JAKMIP3: variants seen among roughly 807,000 people sequenced by gnomAD.
JAKMIP3 encodes Janus kinase and microtubule interacting protein 3.
In JAKMIP3, 58 loss-of-function variants were observed where a neutral mutation model predicts 118.5. The ratio of observed to expected loss-of-function variants is 0.49; its 90% CI spans 0.40 to 0.61. The LOEUF is 0.61. JAKMIP3 is among the 20% of genes least tolerant of loss of function. The pLI is 0.00. For synonymous variants in JAKMIP3, 486 were observed against 451.2 expected (o/e 1.08, Z -0.98); for missense variants, 950 against 1,109.0 (o/e 0.86, Z 2.04).
At chr10:132,046,117 C>G (rs1001521406) in intron 1 of JAKMIP3, among the ~76,000 whole-genome samples, 7 of 152,200 alleles carry the variant, frequency 4.6e-5, no homozygotes, top group Non-Finnish European at 1.0e-4. Context: ...CTTCCACGCT[C>G]CCACCACAGA....
In JAKMIP3 at chr10:132,040,286, G is replaced by A. The variant is rs184320729; in HGVS notation, c.-138+3548G>A. Among the ~76,000 whole-genome samples, 23 of 152,298 alleles carry A rather than the reference G, an allele frequency of 1.5e-4. 1 individual carries two copies. The East Asian group carries it at 2.3e-3, about 15-fold the overall frequency. ...ACCCTCACCAGGAACCAAACCGGCC[G>A]GCTCCTTGGCCTCAGACTTCCAGCT... On this transcript the variant is annotated intron_variant, in intron 1 of 23. Transcript: ENST00000657785.
At chr10:132,109,058 G>A (rs1335335924) in intron 2 of JAKMIP3, among the ~76,000 whole-genome samples, 2 of 76,206 alleles carry the variant, frequency 2.6e-5, no homozygotes, top group Non-Finnish European at 5.0e-5. Context: ...ACACATACAT[G>A]CACATATACA....
Position 132,163,354 on chromosome 10 carries a change from G to A in JAKMIP3, c.2366G>A (p.Arg789His), listed in dbSNP as rs148025571. The A allele has an allele frequency of 7.5e-6, 12 of 1,609,320 alleles. No individual in the cohort carries two copies. Among genetic ancestry groups the A allele is most frequent in the East Asian group, 2.2e-5 (1 of 44,848 alleles). Reference protein sequence around the residue: ...QWKRQVMSELRERDAQILRER... With the variant: ...QWKRQVMSELHERDAQILRER... ...AAGCGCCAGGTCATGAGTGAGCTGC[G>A]CGAGCGGGACGCCCAGATCCTGCGG... Residue 789 changes from arginine to histidine, a missense_variant, in exon 20 of 24, where the codon CGC becomes CAC. Physicochemically the swap from Arg to His is conservative, Grantham distance 29. Coordinates refer to ENST00000684848, the MANE Select transcript of JAKMIP3 (RefSeq NM_001323087.2).
intron 1 of JAKMIP3, among the ~76,000 whole-genome samples, chr10:132,056,663 C>A (rs143390870): frequency 6.6e-6 from 1 of 152,180 alleles, no homozygotes; most frequent in African/African-American, 2.4e-5. Flanking sequence ...TTTTGTGAGG[C>A]CACCGAAGCT....
Position 132,095,647 on chromosome 10 carries a change from G to A in JAKMIP3, c.-137-9025G>A, listed in dbSNP as rs114525844. ...GCTTTCCCGATTTATTCCTGCAGTCGTTCTGGATGCAGAAGTTCACGACAC... is the reference window on the plus strand; with the variant it reads ...GCTTTCCCGATTTATTCCTGCAGTCATTCTGGATGCAGAAGTTCACGACAC... On this transcript the variant is annotated intron_variant, in intron 1 of 23. Transcript: ENST00000684848. Among the ~76,000 whole-genome samples the A allele has an allele frequency of 8.7e-3, 1,323 of 152,270 alleles. 28 individuals carry two copies. The highest frequency in any genetic ancestry group is 0.03 in the African/African-American group (1,244 of 41,554).
At chr10:132,127,649 T>A (rs1389630831) in intron 3 of JAKMIP3, among the ~76,000 whole-genome samples, 5 of 152,126 alleles carry the variant, frequency 3.3e-5, no homozygotes, top group Non-Finnish European at 5.9e-5. Context: ...TCTCGCTGTT[T>A]TTTACTCTCA....
rs113225195 is a variant in JAKMIP3 at position 132,083,974 on chromosome 10, T to C, written c.-138+17913T>C. On this transcript the variant is annotated intron_variant, in intron 1 of 23. Coordinates refer to ENST00000684848, the MANE Select transcript of JAKMIP3 (RefSeq NM_001323087.2). Reference sequence around the variant, plus strand: ...GTTTGAAATCAGGTAATGTGATTCTTCCAGATTTGTTCTTTTTGCTTAGTT... The same window carrying C: ...GTTTGAAATCAGGTAATGTGATTCTCCCAGATTTGTTCTTTTTGCTTAGTT... Among the ~76,000 whole-genome samples, 15 of 152,330 alleles carry C rather than the reference T, an allele frequency of 9.8e-5. 1 individual carries two copies. The highest frequency in any genetic ancestry group is 2.9e-4 in the African/African-American group (12 of 41,584).
intron 1 of JAKMIP3, among the ~76,000 whole-genome samples, chr10:132,103,057 T>C (rs561721509): frequency 5.4e-4 from 82 of 151,940 alleles, no homozygotes; most frequent in Middle Eastern, 3.4e-3. Flanking sequence ...GGGTGGGGGC[T>C]GTGTTCACCG....
chr10:132,145,728 G>A (rs913474124), intron 13 of JAKMIP3, 148 bp downstream of exon 13: 3 of 682,554 alleles, frequency 4.4e-6, no homozygotes, highest in Non-Finnish European at 5.0e-6. Flanking sequence ...CCTCCTGCGG[G>A]ACCCCATCAG....
rs758025094 is a variant in JAKMIP3, at chr10:132,168,103, G to A, written c.*173G>A. 8.9e-5 allele frequency: 115 copies of A among 1,289,084 alleles called. No individual in the cohort carries two copies. Among genetic ancestry groups the A allele is most frequent in the Middle Eastern group, 4.3e-4 (2 of 4,696 alleles). 79.9% of individuals were successfully genotyped at this position (1,289,084 alleles called of 1,614,324 possible). On this transcript the variant is annotated 3_prime_UTR_variant, in exon 23 of 24. Transcript: ENST00000684848. ...AGTGAGAAGGGGCAGTGTGTGGGGC[G>A]TGGAGCTGCCGTCCACGTGGGATGT...
intron 1 of JAKMIP3, among the ~76,000 whole-genome samples, chr10:132,086,463 G>T (rs1241013562): frequency 6.6e-6 from 1 of 152,144 alleles, no homozygotes; most frequent in South Asian, 2.1e-4. Context: ...GAGTACTGAA[G>T]TTCCCCACTA....
intron 3 of JAKMIP3, among the ~76,000 whole-genome samples, chr10:132,125,895 C>T (rs1229343532): frequency 6.6e-6 from 1 of 152,144 alleles, no homozygotes; most frequent in Admixed American, 6.5e-5. Flanking sequence ...AAAATATTTT[C>T]CATGTACATA....
At chr10:132,161,028 G>T (rs1047916655) in intron 19 of JAKMIP3, among the ~76,000 whole-genome samples, 1 of 19,074 alleles carries the variant, frequency 5.2e-5, no homozygotes, top group Admixed American at 5.8e-4. Flanking sequence ...ATGCTGGGGG[G>T]GCCTCTTCCT....
chr10:132,038,303 A>G (rs2037584288), intron 1 of JAKMIP3, among the ~76,000 whole-genome samples: 1 of 152,172 alleles, frequency 6.6e-6, no homozygotes. Context: ...CTCACACTCC[A>G]GGTGCCCCGA....
chr10:132,137,282 G>A lies in JAKMIP3; in HGVS notation c.1277G>A (p.Ser426Asn), dbSNP rs1173788597. ...CTTGAGACCGCCGGCTACGTGAAGAGCGTGTTAGTAAGTATGGTCAGCGCC... is the reference window on the plus strand; with the variant it reads ...CTTGAGACCGCCGGCTACGTGAAGAACGTGTTAGTAAGTATGGTCAGCGCC... ...KTLETAGYVK[S>N]VLERDKLLRF... The change falls in exon 8 of 24, where the codon AGC becomes AAC. Residue 426 changes from serine to asparagine, a missense_variant. Physicochemically the swap from Ser to Asn is conservative, Grantham distance 46. Transcript: ENST00000684848. 1 of 1,613,866 alleles carries A rather than the reference G, an allele frequency of 6.2e-7. No homozygotes were observed.
chr10:132,140,708 G>A (rs568653043), intron 10 of JAKMIP3, 129 bp downstream of exon 10: 14 of 1,416,178 alleles, frequency 9.9e-6, no homozygotes, highest in East Asian at 3.1e-5. Flanking sequence ...ATGGGCTGCC[G>A]GCTTTTCACG....
chr10:132,181,502 C>G (rs2061471373), intron 23 of JAKMIP3: 1 of 152,192 alleles, frequency 6.6e-6, no homozygotes, highest in African/African-American at 2.4e-5. Flanking sequence ...TGGCAGGTCC[C>G]CTTCCTCCTG....
At chr10:132,106,586 C>T (rs2379228) in intron 2 of JAKMIP3, among the ~76,000 whole-genome samples, 53,167 of 151,960 alleles carry the variant, frequency 0.35, 9,547 homozygotes, top group African/African-American at 0.39. Flanking sequence ...ACCAGAAGGC[C>T]GATGGCATGG....
chr10:132,180,788 T>TGC (rs1491365450), intron 23 of JAKMIP3, among the ~76,000 whole-genome samples: 1 of 10,730 alleles, frequency 9.3e-5, no homozygotes, highest in African/African-American at 3.4e-4. Context: ...TGTGTGCGCG[T>TGC]ATGCATGTGC....
Sources: allele counts gnomAD v4.1 joint callset (sites outside exome capture counted in the v4.1 genomes callset), GRCh38; gene constraint gnomAD v4.1.1; transcripts MANE v1.5; gene names NCBI Gene and HGNC (gene_info 2026-07-23, HGNC 2026-07-21).